The following KLF17 variants were observed in gnomAD, a reference collection of about 807,000 sequenced individuals.
KLF17 encodes KLF transcription factor 17, also known as Krueppel-like factor 17.
Under a neutral mutation model 34.2 loss-of-function variants are expected in KLF17, and 31 were observed. That is an observed-to-expected ratio of 0.91 (90% CI 0.68 to 1.22). KLF17 has a LOEUF of 1.22. Among genes scored for constraint, KLF17 ranks in the 50% most tolerant of loss-of-function variants. The pLI, the probability that KLF17 is intolerant of heterozygous loss-of-function variation, is 0.00. For missense variants in KLF17, 478 were observed against 505.2 expected, an observed-to-expected ratio of 0.95 and a Z score of 0.52; for synonymous variants, 179 against 186.7, an observed-to-expected ratio of 0.96 and a Z score of 0.34.
chr1:44,111,860 T>G, the KLF17 span, among the ~76,000 whole-genome samples: 1 of 152,146 alleles, frequency 6.6e-6, no homozygotes, highest in African/African-American at 2.4e-5. Flanking sequence ...GCCATTGCAC[T>G]CCAGCCTGGG....
chr1:44,084,398 C>G, the KLF17 span, among the ~76,000 whole-genome samples: 1 of 151,984 alleles, frequency 6.6e-6, no homozygotes, highest in African/African-American at 2.4e-5. Flanking sequence ...AAAGTTTTTG[C>G]CAGGTACAGT....
intron 3 of KLF17, among the ~76,000 whole-genome samples, chr1:44,131,011 G>A (rs375430224): frequency 5.9e-5 from 9 of 152,224 alleles, no homozygotes; most frequent in Middle Eastern, 3.4e-3. Context: ...TAGCCAGGAT[G>A]GTCTCGATCT....
chr1:44,126,664 G>A (rs949509367), intron 1 of KLF17, among the ~76,000 whole-genome samples: 11 of 152,140 alleles, frequency 7.2e-5, no homozygotes, highest in Admixed American at 3.3e-4. Context: ...TTTCTGGCAC[G>A]AAATGTACCA....
the KLF17 span, among the ~76,000 whole-genome samples, chr1:44,045,726 T>G: frequency 6.6e-6 from 1 of 152,298 alleles, no homozygotes; most frequent in South Asian, 2.1e-4. Flanking sequence ...CCCACAACAC[T>G]ATTTCACTCA....
chr1:44,083,267 G>A, the KLF17 span, among the ~76,000 whole-genome samples: 1 of 149,936 alleles, frequency 6.7e-6, no homozygotes, highest in African/African-American at 2.4e-5. Context: ...CTTTTGAGGT[G>A]AGAATTGAGT....
chr1:44,071,818 GT>G, the KLF17 span, among the ~76,000 whole-genome samples: 4 of 151,976 alleles, frequency 2.6e-5, no homozygotes, highest in Non-Finnish European at 2.9e-5. Context: ...GACTTCCCAC[GT>G]TCTGGTTCCT....
Position 44,129,395 on chromosome 1 carries a change from T to C in KLF17, c.124T>C (p.Ser42Pro). The change falls in exon 2 of 4, where the codon TCT becomes CCT. Residue 42 changes from serine to proline, a missense_variant. Ser to Pro is a moderately conservative substitution (Grantham distance 74). Coordinates refer to ENST00000372299, the MANE Select transcript of KLF17 (RefSeq NM_173484.4). ...GCCCATCTTGAACATGTCTTCATCTTCTGGAAGCTCTGGAGTGCACACCTC... is the reference window on the plus strand; with the variant it reads ...GCCCATCTTGAACATGTCTTCATCTCCTGGAAGCTCTGGAGTGCACACCTC... ...SAPILNMSSS[S>P]GSSGVHTSWN... The C allele has an allele frequency of 6.5e-7, 1 of 1,527,282 alleles. No homozygotes were observed. Among genetic ancestry groups the C allele is most frequent in the Non-Finnish European group, 8.8e-7 (1 of 1,138,210 alleles). 94.6% of individuals were successfully genotyped at this position (1,527,282 alleles called of 1,614,324 possible).
the KLF17 span, among the ~76,000 whole-genome samples, chr1:44,111,659 C>T: frequency 4.6e-5 from 7 of 152,040 alleles, no homozygotes; most frequent in South Asian, 2.1e-4. Flanking sequence ...TTTGGGAGGC[C>T]GAGGTGGGCG....
chr1:44,121,026 T>A (rs112976285), intron 1 of KLF17, among the ~76,000 whole-genome samples: 539 of 152,186 alleles, frequency 3.5e-3, no homozygotes, highest in Non-Finnish European at 5.8e-3. Flanking sequence ...TAAAACAAGA[T>A]CTTCCCAACT....
the KLF17 span, among the ~76,000 whole-genome samples, chr1:44,092,911 A>AT: frequency 1.3e-5 from 2 of 152,228 alleles, no homozygotes; most frequent in African/African-American, 2.4e-5. Flanking sequence ...TGAAACCAAA[A>AT]TTCAAAAATT....
At chr1:44,120,453 G>C (rs532106982) in intron 1 of KLF17, among the ~76,000 whole-genome samples, 2 of 152,200 alleles carry the variant, frequency 1.3e-5, no homozygotes, top group African/African-American at 4.8e-5. Flanking sequence ...GTGGCCATGC[G>C]TGTTAGAGAG....
At chr1:44,121,406 C>T (rs577067402) in intron 1 of KLF17, among the ~76,000 whole-genome samples, 4 of 152,348 alleles carry the variant, frequency 2.6e-5, no homozygotes, top group African/African-American at 7.2e-5. Context: ...TGAGCCGCCA[C>T]GCCCAGCCGA....
the KLF17 span, among the ~76,000 whole-genome samples, chr1:44,080,207 G>A: frequency 2.7e-5 from 4 of 146,144 alleles, no homozygotes; most frequent in African/African-American, 7.6e-5. Flanking sequence ...GATTACAGGC[G>A]TGAGCCACCG....
At chr1:44,126,779 CGTT>C (rs1339326304) in intron 1 of KLF17, among the ~76,000 whole-genome samples, 1 of 152,026 alleles carries the variant, frequency 6.6e-6, no homozygotes, top group Non-Finnish European at 1.5e-5. Flanking sequence ...TAGAGGCACA[CGTT>C]GTTATTACAG....
the KLF17 span, among the ~76,000 whole-genome samples, chr1:44,094,063 T>C: frequency 1.3e-5 from 2 of 152,204 alleles, no homozygotes; most frequent in East Asian, 1.9e-4. Flanking sequence ...GCAAAACCCA[T>C]GTATATGGAG....
the KLF17 span, among the ~76,000 whole-genome samples, chr1:44,089,477 G>T: frequency 4.3e-4 from 66 of 152,282 alleles, no homozygotes; most frequent in African/African-American, 1.5e-3. Flanking sequence ...GCTGGGAAGC[G>T]TATGACCTTG....
At chr1:44,093,497 C>T in the KLF17 span, among the ~76,000 whole-genome samples, 12 of 152,224 alleles carry the variant, frequency 7.9e-5, no homozygotes, top group South Asian at 8.3e-4. Flanking sequence ...TGGGTTCAAG[C>T]GATTCTCCTG....
chr1:44,060,365 G>A, the KLF17 span, among the ~76,000 whole-genome samples: 1 of 152,182 alleles, frequency 6.6e-6, no homozygotes, highest in Non-Finnish European at 1.5e-5. Flanking sequence ...CTACTCAGGA[G>A]GCTGAGGCAG....
At chr1:44,104,131 C>T in the KLF17 span, 1 of 1,036,256 alleles carries the variant, frequency 9.7e-7, no homozygotes, top group African/African-American at 1.6e-5. Flanking sequence ...GTCAGCCCTT[C>T]CAGGCCAGAC....
Sources: allele counts gnomAD v4.1 joint callset (sites outside exome capture counted in the v4.1 genomes callset), GRCh38; gene constraint gnomAD v4.1.1; transcripts MANE v1.5; gene names NCBI Gene and HGNC (gene_info 2026-07-23, HGNC 2026-07-21).